The following VCPKMT variants were observed in gnomAD, a reference collection of about 807,000 sequenced individuals.
VCPKMT encodes the protein valosin containing protein lysine methyltransferase, also known as protein N-lysine methyltransferase METTL21D.
VCPKMT carries 32 observed loss-of-function variants against 28.6 expected under a neutral mutation model. The observed-to-expected ratio is 1.12, with a 90% CI of 0.84 to 1.50. The LOEUF is 1.50. VCPKMT is among the 40% of genes most tolerant of loss of function. The pLI, the probability that VCPKMT is intolerant of heterozygous loss-of-function variation, is 0.00. For synonymous variants in VCPKMT, 138 were observed against 111.4 expected, an observed-to-expected ratio of 1.24 and a Z score of -1.50; for missense variants, 366 against 285.0, an observed-to-expected ratio of 1.28 and a Z score of -2.05.
At chr14:50,109,783 C>CCTA (rs1355366551) in intron 5 of VCPKMT, 70 bp from the exon 6 acceptor site, 2 of 1,518,492 alleles carry the variant, frequency 1.3e-6, no homozygotes, top group African/African-American at 2.8e-5. Context: ...TTTAATAATG[C>CCTA]CTAATATGCC....
At chr14:50,107,125 C>G (rs1049944106), downstream of VCPKMT, among the ~76,000 whole-genome samples, 31 of 152,224 alleles carry the variant, frequency 2.0e-4, no homozygotes, top group Admixed American at 1.9e-3. Flanking sequence ...CGAAAGGAGA[C>G]CTCTTCCAGA....
chr14:50,113,533 G>C (rs1016676019), intron 4 of VCPKMT: 1 of 127,510 alleles, frequency 7.8e-6, no homozygotes, highest in Admixed American at 8.7e-5. Context: ...AAGAGTGACA[G>C]ATACATAAAA....
downstream of VCPKMT, among the ~76,000 whole-genome samples, chr14:50,108,057 G>A (rs757659290): frequency 1.3e-5 from 2 of 152,014 alleles, no homozygotes; most frequent in Non-Finnish European, 1.5e-5. Flanking sequence ...CAGCTGTGGT[G>A]GCGCACCTGT....
In VCPKMT at chr14:50,109,501, T is replaced by TTGGC. The variant is rs1882491081; in HGVS notation, c.*194_*197dup. On this transcript the variant is annotated 3_prime_UTR_variant, in exon 6 of 6. Transcript: ENST00000395860. ...GTAACCTAAGCTGGATTCAGGGCCA[T>TTGGC]TGGCAGGCAGGCAGGCAAGCAGGAA... 1 of 1,315,748 alleles carries TTGGC rather than the reference T, an allele frequency of 7.6e-7. No homozygotes were observed. Among genetic ancestry groups the TTGGC allele is most frequent in the Non-Finnish European group, 9.6e-7 (1 of 1,036,344 alleles). 81.5% of individuals were successfully genotyped at this position (1,315,748 alleles called of 1,614,324 possible).
chr14:50,113,764 T>C (rs1397559400), intron 4 of VCPKMT, among the ~76,000 whole-genome samples: 2 of 121,268 alleles, frequency 1.6e-5, no homozygotes, highest in African/African-American at 6.3e-5. Context: ...GGTGTGGTGG[T>C]ACATGCCTAT....
downstream of VCPKMT, among the ~76,000 whole-genome samples, chr14:50,107,566 G>C (rs974662154): frequency 6.6e-6 from 1 of 152,106 alleles, no homozygotes; most frequent in Non-Finnish European, 1.5e-5. Context: ...CGTCTGCCTC[G>C]GCATACAGGC....
Position 50,108,934 on chromosome 14 carries a change from A to G in VCPKMT, c.*765T>C, listed in dbSNP as rs547826188. On this transcript the variant is annotated 3_prime_UTR_variant, in exon 6 of 6. Coordinates refer to ENST00000395860, the MANE Select transcript of VCPKMT (RefSeq NM_024558.3). ...TTCCTGGAACATATACATAAAGTGC[A>G]TGAGCCACGTAAGTGCATAAGCCTG... 68 of 985,472 alleles carry G rather than the reference A, an allele frequency of 6.9e-5. No individual in the cohort carries two copies. In the South Asian group the frequency reaches 2.9e-3, roughly 42 times the overall value. 61.0% of individuals were successfully genotyped at this position (985,472 alleles called of 1,614,324 possible).
At chr14:50,112,514 T>C (rs1269743161) in intron 5 of VCPKMT, 101 bp downstream of exon 5, 1 of 699,216 alleles carries the variant, frequency 1.4e-6, no homozygotes. Context: ...TAGAGCTGTT[T>C]CTCCACATCA....
At chr14:50,107,965 G>C (rs756138859), downstream of VCPKMT, among the ~76,000 whole-genome samples, 5 of 152,062 alleles carry the variant, frequency 3.3e-5, no homozygotes, top group Non-Finnish European at 7.4e-5. Context: ...AAGGAGGGTG[G>C]ATCACTTGGC....
chr14:50,108,466 C>CGG (rs558759846), downstream of VCPKMT, among the ~76,000 whole-genome samples: 1 of 151,780 alleles, frequency 6.6e-6, no homozygotes, highest in African/African-American at 2.4e-5. Context: ...AGTATCTTGG[C>CGG]GGGGGGGAAA....
rs760999919 is a variant in VCPKMT, at chr14:50,115,893, G to T, written c.396C>A (p.Gly132=). The change falls in exon 3 of 6, where the codon GGC becomes GGA. Residue 132 remains glycine, a synonymous_variant. Coordinates refer to ENST00000395860, the MANE Select transcript of VCPKMT (RefSeq NM_024558.3). ...GTATGAAGTCGGGTGGAGAAGGAAA[G>T]CCTTCTATTTCTTCCCCCCTTAAAA... ...KVLKWGEEIE[G]FPSPPDFILM... The T allele has an allele frequency of 6.2e-7, 1 of 1,613,426 alleles. No homozygotes were observed. The highest frequency in any genetic ancestry group is 1.1e-5 in the South Asian group (1 of 91,006).
At chr14:50,113,808 G>T (rs1225879357) in intron 4 of VCPKMT, among the ~76,000 whole-genome samples, 12 of 85,750 alleles carry the variant, frequency 1.4e-4, no homozygotes, top group African/African-American at 4.8e-4. Flanking sequence ...GGGGGGGGGG[G>T]GTGACACTGA....
intron 5 of VCPKMT, among the ~76,000 whole-genome samples, chr14:50,109,997 G>A (rs2139429575): frequency 6.6e-6 from 1 of 152,296 alleles, no homozygotes; most frequent in Admixed American, 6.5e-5. Context: ...TGTAATCCCA[G>A]CACTTTGGGA....
Position 50,108,942 on chromosome 14 carries a change from CG to C in VCPKMT, c.*756del. On this transcript the variant is annotated 3_prime_UTR_variant, in exon 6 of 6. Coordinates refer to ENST00000395860, the MANE Select transcript of VCPKMT (RefSeq NM_024558.3). ...ACATATACATAAAGTGCATGAGCCA[CG>C]TAAGTGCATAAGCCTGAAACTGGTC... is the stretch of plus-strand genomic sequence containing the variant. 2 of 985,408 alleles carry C rather than the reference CG, an allele frequency of 2.0e-6. No individual in the cohort carries two copies. The highest frequency in any genetic ancestry group is 2.4e-6 in the Non-Finnish European group (2 of 829,926). The allele number at this position is 985,408 out of a possible 1,614,324, so 61.0% of individuals were successfully genotyped here.
downstream of VCPKMT, among the ~76,000 whole-genome samples, chr14:50,104,155 C>T (rs1478072159): frequency 1.3e-5 from 2 of 152,180 alleles, no homozygotes; most frequent in East Asian, 1.9e-4. Context: ...TCAGAATGCA[C>T]GTGAGCAAAA....
chr14:50,108,821 T>C lies in VCPKMT; in HGVS notation c.*878A>G. On this transcript the variant is annotated 3_prime_UTR_variant, in exon 6 of 6. Transcript: ENST00000395860. Reference sequence around the variant, plus strand: ...GAGAGACACAGAACAGAAATTCATTTGGTATATACATATAGAACTACATTT... The same window carrying C: ...GAGAGACACAGAACAGAAATTCATTCGGTATATACATATAGAACTACATTT... The C allele has an allele frequency of 1.0e-6, 1 of 985,522 alleles. No individual in the cohort carries two copies. The highest frequency in any genetic ancestry group is 1.7e-5 in the African/African-American group (1 of 57,378). 61.0% of individuals were successfully genotyped at this position (985,522 alleles called of 1,614,324 possible). A position where few individuals can be genotyped will look rare whatever the true frequency, so the allele number is the denominator to read the frequency against.
chr14:50,103,944 C>G (rs1882236985), downstream of VCPKMT, among the ~76,000 whole-genome samples: 1 of 152,130 alleles, frequency 6.6e-6, no homozygotes, highest in South Asian at 2.1e-4. Context: ...TACTATGTGC[C>G]TAGTACCTAA....
intron 4 of VCPKMT, among the ~76,000 whole-genome samples, chr14:50,113,847 T>A (rs902033507): frequency 2.7e-5 from 3 of 110,690 alleles, no homozygotes; most frequent in African/African-American, 1.0e-4. Flanking sequence ...GCCCAGGAGG[T>A]TGAGGATGCA....
At chr14:50,103,276 C>G in the VCPKMT span, among the ~76,000 whole-genome samples, 543 of 152,262 alleles carry the variant, frequency 3.6e-3, 2 homozygotes, top group Middle Eastern at 6.8e-3. Flanking sequence ...TTAGTTAAGT[C>G]CTGCATCCCA....
Sources: gnomAD v4.1 joint callset for allele counts (sites outside exome capture counted in the v4.1 genomes callset) on GRCh38, gnomAD v4.1.1 for gene constraint, MANE v1.5 for transcripts, NCBI Gene and HGNC (gene_info 2026-07-23, HGNC 2026-07-21) for gene names.